Variants in MGST3 observed in about 807,000 individuals in gnomAD.
MGST3 encodes the protein microsomal glutathione S-transferase 3, also known as glutathione S-transferase 3, mitochondrial.
In MGST3, 13 loss-of-function variants were observed where a neutral mutation model predicts 15.8. The ratio of observed to expected loss-of-function variants is 0.82; its 90% CI spans 0.54 to 1.31. MGST3 has a LOEUF of 1.31. Ranked by LOEUF, MGST3 falls within the 50% of genes most tolerant of loss-of-function variation. The probability of loss-of-function intolerance (pLI) is 0.00; values close to 1 mark genes in which losing one functional copy is unlikely to be tolerated. For missense variants in MGST3, 155 were observed against 192.4 expected (o/e 0.81, Z 1.15); for synonymous variants, 49 against 68.1 (o/e 0.72, Z 1.38).
At chr1:165,640,147 A>G (rs1648224337) in intron 1 of MGST3, among the ~76,000 whole-genome samples, 1 of 152,198 alleles carries the variant, frequency 6.6e-6, no homozygotes, top group African/African-American at 2.4e-5. Flanking sequence ...GACCATGACC[A>G]TGAAGTGAGA....
rs9333478 is a variant in MGST3, at chr1:165,652,046, C to T, written c.249+11C>T. On this transcript the variant is annotated intron_variant, in intron 4 of 5. Transcript: ENST00000367889. ...GGTGTTTACCACCCGGTAAGTTTTC[C>T]AGGAGGTGTTCATCTATTTGGATAG... The T allele has an allele frequency of 2.4e-3, 3,812 of 1,602,008 alleles. 87 individuals carry two copies. In the African/African-American group the frequency reaches 0.044, roughly 18 times the overall value.
intron 2 of MGST3, 146 bp from the exon 3 acceptor site, chr1:165,650,868 T>A: frequency 1.4e-6 from 1 of 723,198 alleles, no homozygotes. Context: ...CTTGTCACCA[T>A]AAATATTTAA....
rs184455216 is a variant in MGST3, at chr1:165,635,222, G to A, written c.-8+3929G>A. ...GCAAAGCCCAGGGCTTCTAGGTTAGGTATCTCCCACAGAACCTTCTGTGTC... is the reference window on the plus strand; with the variant it reads ...GCAAAGCCCAGGGCTTCTAGGTTAGATATCTCCCACAGAACCTTCTGTGTC... On this transcript the variant is annotated intron_variant, in intron 1 of 5. Transcript: ENST00000367889. 2.0e-4 allele frequency among the ~76,000 whole-genome samples: 31 copies of A among 152,196 alleles called. 1 individual carries two copies. The highest frequency in any genetic ancestry group is 7.5e-4 in the African/African-American group (31 of 41,508).
At chr1:165,639,115 C>T (rs1436562485) in intron 1 of MGST3, among the ~76,000 whole-genome samples, 1 of 152,210 alleles carries the variant, frequency 6.6e-6, no homozygotes, top group African/African-American at 2.4e-5. Flanking sequence ...ATCTGTCTCT[C>T]CCTCCCCTAT....
intron 1 of MGST3, among the ~76,000 whole-genome samples, chr1:165,638,830 A>G (rs950649216): frequency 6.6e-6 from 1 of 151,650 alleles, no homozygotes; most frequent in African/African-American, 2.4e-5. Flanking sequence ...AGAAATAATT[A>G]GGTTTCTAAA....
At chr1:165,652,422 C>T (rs1225655350) in intron 4 of MGST3, among the ~76,000 whole-genome samples, 1 of 152,060 alleles carries the variant, frequency 6.6e-6, no homozygotes, top group Non-Finnish European at 1.5e-5. Flanking sequence ...AGACAAAGAC[C>T]CCTGGTTTCA....
intron 1 of MGST3, among the ~76,000 whole-genome samples, chr1:165,634,404 T>C (rs1050683794): frequency 6.6e-6 from 1 of 152,294 alleles, no homozygotes; most frequent in African/African-American, 2.4e-5. Flanking sequence ...TTAATACTGA[T>C]GAACTAACTG....
chr1:165,631,723 C>A (rs1044469778), intron 1 of MGST3, among the ~76,000 whole-genome samples: 5 of 152,162 alleles, frequency 3.3e-5, no homozygotes, highest in Non-Finnish European at 7.3e-5. Flanking sequence ...GTTGTGCAGG[C>A]CTGATCAGTA....
intron 1 of MGST3, chr1:165,632,327 A>G (rs1039272479): frequency 1.5e-5 from 24 of 1,598,176 alleles, no homozygotes; most frequent in Non-Finnish European, 2.0e-5. Flanking sequence ...CAGATTTTAG[A>G]TTGCTGGTGG....
chr1:165,635,489 A>C (rs1443522892), intron 1 of MGST3, among the ~76,000 whole-genome samples: 1 of 152,154 alleles, frequency 6.6e-6, no homozygotes, highest in Non-Finnish European at 1.5e-5. Context: ...GTGTGAGTGC[A>C]AGCTTGTGCT....
chr1:165,650,496 G>C (rs1648522001), intron 2 of MGST3: 1 of 187,954 alleles, frequency 5.3e-6, no homozygotes, highest in Non-Finnish European at 1.1e-5. Flanking sequence ...GTCTGTTTCT[G>C]TTTAGCAACT....
At chr1:165,644,053 T>TAAA (rs61624530) in intron 1 of MGST3, among the ~76,000 whole-genome samples, 21,077 of 136,374 alleles carry the variant, frequency 0.15, 1,827 homozygotes, top group African/African-American at 0.21. Flanking sequence ...GACCCTGTGT[T>TAAA]AAAAAAAAAA....
intron 1 of MGST3, among the ~76,000 whole-genome samples, chr1:165,633,781 C>A (rs971303833): frequency 9.9e-5 from 15 of 151,536 alleles, no homozygotes; most frequent in African/African-American, 3.6e-4. Context: ...TTTTTTCCTT[C>A]TGGAAGTCAT....
intron 4 of MGST3, 101 bp downstream of exon 4, chr1:165,652,136 T>C: frequency 8.2e-6 from 7 of 850,232 alleles, no homozygotes; most frequent in Non-Finnish European, 1.4e-5. Flanking sequence ...ATCTTCAGTG[T>C]CTAGGCACTG....
chr1:165,635,472 A>G (rs1028725190), intron 1 of MGST3, among the ~76,000 whole-genome samples: 1 of 152,218 alleles, frequency 6.6e-6, no homozygotes, highest in African/African-American at 2.4e-5. Flanking sequence ...GAGTTTCAAC[A>G]GAGTTCGTGT....
intron 4 of MGST3, among the ~76,000 whole-genome samples, chr1:165,653,282 T>A (rs994209008): frequency 2.6e-5 from 4 of 152,114 alleles, no homozygotes; most frequent in Non-Finnish European, 4.4e-5. Flanking sequence ...CTATCACACA[T>A]CCCTGGATCC....
At chr1:165,636,138 C>A (rs995576907) in intron 1 of MGST3, among the ~76,000 whole-genome samples, 1 of 152,106 alleles carries the variant, frequency 6.6e-6, no homozygotes, top group South Asian at 2.1e-4. Flanking sequence ...CCAAAGAAAT[C>A]CCATGACTCT....
At position 165,655,595 on chromosome 1, in the gene MGST3, AC is replaced by A. The variant is rs1196522785; in HGVS notation, c.*93del. Reference sequence around the variant, plus strand: ...TTTTTTCTAAATATAATAAAAACTTACCTGGCATCAGCCTCATACCTAAAAC... The same window carrying A: ...TTTTTTCTAAATATAATAAAAACTTACTGGCATCAGCCTCATACCTAAAAC... On this transcript the variant is annotated 3_prime_UTR_variant, in exon 6 of 6. Coordinates refer to ENST00000367889, the MANE Select transcript of MGST3 (RefSeq NM_004528.4). 6.7e-6 allele frequency: 10 copies of A among 1,488,020 alleles called. No individual in the cohort carries two copies. The highest frequency in any genetic ancestry group is 1.9e-5 in the Admixed American group (1 of 53,262). 92.2% of individuals were successfully genotyped at this position (1,488,020 alleles called of 1,614,324 possible). A position where few individuals can be genotyped will look rare whatever the true frequency, so the allele number is the denominator to read the frequency against.
chr1:165,634,560 C>G (rs1648046156), intron 1 of MGST3, among the ~76,000 whole-genome samples: 1 of 152,082 alleles, frequency 6.6e-6, no homozygotes, highest in South Asian at 2.1e-4. Context: ...ACAAGTCAAG[C>G]CTTTTTCTGT....
Sources: allele counts gnomAD v4.1 joint callset (sites outside exome capture counted in the v4.1 genomes callset), GRCh38; gene constraint gnomAD v4.1.1; transcripts MANE v1.5; gene names NCBI Gene and HGNC (gene_info 2026-07-23, HGNC 2026-07-21).